The following DRG1 variants were observed in gnomAD, a reference collection of about 807,000 sequenced individuals.
The protein encoded by DRG1 is developmentally regulated GTP binding protein 1.
A neutral mutation model predicts 38.8 loss-of-function variants in DRG1; 19 were observed. That is an observed-to-expected ratio of 0.49 (90% CI 0.34 to 0.72). The LOEUF is 0.72. Ranked by LOEUF, DRG1 falls within the 30% of genes least tolerant of loss-of-function variation. DRG1 has a pLI of 0.01. For missense variants in DRG1, 299 were observed against 444.8 expected (o/e 0.67, Z 2.95); for synonymous variants, 167 against 157.5 (o/e 1.06, Z -0.45).
chr22:31,433,904 A>G lies in DRG1; in HGVS notation c.1037A>G (p.Asn346Ser), dbSNP rs951942039. The G allele has an allele frequency of 3.1e-6, 5 of 1,614,036 alleles. No individual in the cohort carries two copies. The highest frequency in any genetic ancestry group is 1.1e-5 in the South Asian group (1 of 91,090). ...ALVWGLSVKH[N>S]PQKVGKDHTL... ...GTCTGGGGTCTCTCTGTGAAACACA[A>G]TCCTCAGAAAGTGGGTAAAGACCAT... Residue 346 changes from asparagine to serine, a missense_variant, in exon 9 of 9, where the codon AAT becomes AGT. Coordinates refer to ENST00000331457, the MANE Select transcript of DRG1 (RefSeq NM_004147.4).
At chr22:31,429,004 G>A (rs2050125526) in intron 8 of DRG1, among the ~76,000 whole-genome samples, 2 of 152,076 alleles carry the variant, frequency 1.3e-5, no homozygotes, top group Admixed American at 1.3e-4. Flanking sequence ...GGGTTTCTCT[G>A]CCGTGAAGGT....
intron 3 of DRG1, among the ~76,000 whole-genome samples, chr22:31,404,509 G>A (rs1451731926): frequency 6.6e-6 from 1 of 151,888 alleles, no homozygotes; most frequent in Admixed American, 6.6e-5. Flanking sequence ...CAAAGTGCTG[G>A]GATTACAGGC....
At chr22:31,422,755 C>G (rs1457467445) in intron 5 of DRG1, among the ~76,000 whole-genome samples, 1 of 152,138 alleles carries the variant, frequency 6.6e-6, no homozygotes, top group African/African-American at 2.4e-5. Context: ...TGCCATAATA[C>G]GGTACCACAG....
At chr22:31,428,820 T>C (rs1289813932) in intron 8 of DRG1, among the ~76,000 whole-genome samples, 1 of 152,162 alleles carries the variant, frequency 6.6e-6, no homozygotes, top group Non-Finnish European at 1.5e-5. Context: ...TTCCTTAGTT[T>C]GAGTTTGTCC....
intron 3 of DRG1, among the ~76,000 whole-genome samples, chr22:31,404,365 G>A (rs1032731197): frequency 2.0e-5 from 3 of 150,552 alleles, no homozygotes; most frequent in South Asian, 4.2e-4. Context: ...TCAGCCTCCC[G>A]AGTAAGCTGG....
chr22:31,404,069 C>T (rs935672175), intron 3 of DRG1, among the ~76,000 whole-genome samples: 2 of 144,612 alleles, frequency 1.4e-5, no homozygotes, highest in African/African-American at 5.2e-5. Flanking sequence ...CTTAACTCCT[C>T]TCCTCTTTCC....
intron 8 of DRG1, 38 bp from the exon 9 acceptor site, chr22:31,433,834 A>T (rs1259224032): frequency 6.3e-7 from 1 of 1,592,086 alleles, no homozygotes; most frequent in African/African-American, 1.3e-5. Flanking sequence ...AAGCTAGGTT[A>T]TTATTTACAC....
intron 3 of DRG1, among the ~76,000 whole-genome samples, chr22:31,406,293 C>G (rs973190544): frequency 3.3e-5 from 5 of 152,172 alleles, no homozygotes; most frequent in Non-Finnish European, 5.9e-5. Flanking sequence ...AGCCACTGCG[C>G]TTGGCCACTT....
intron 8 of DRG1, among the ~76,000 whole-genome samples, chr22:31,430,469 C>T (rs905262964): frequency 2.0e-5 from 3 of 151,456 alleles, no homozygotes; most frequent in African/African-American, 2.4e-5. Context: ...GCGCCATCTC[C>T]GCTCACTGCA....
At chr22:31,412,213 G>A (rs2050021883) in intron 4 of DRG1, among the ~76,000 whole-genome samples, 1 of 151,198 alleles carries the variant, frequency 6.6e-6, no homozygotes, top group South Asian at 2.1e-4. Flanking sequence ...AGAATGGCGT[G>A]AACCCGGGAG....
At chr22:31,400,392 C>G (rs777782113) in intron 1 of DRG1, among the ~76,000 whole-genome samples, 4 of 152,008 alleles carry the variant, frequency 2.6e-5, no homozygotes, top group Non-Finnish European at 4.4e-5. Flanking sequence ...TCAGTCTAGT[C>G]TGGGGGCACT....
chr22:31,402,043 T>C (rs1224593993), intron 2 of DRG1, among the ~76,000 whole-genome samples: 1 of 151,740 alleles, frequency 6.6e-6, no homozygotes, highest in African/African-American at 2.4e-5. Context: ...AGAGCTAGAC[T>C]CTGTCTCAAG....
chr22:31,412,704 T>C (rs951608276), intron 4 of DRG1, among the ~76,000 whole-genome samples: 1 of 151,822 alleles, frequency 6.6e-6, no homozygotes, highest in Non-Finnish European at 1.5e-5. Context: ...CCTTTTTTTT[T>C]CTTTTTTTTT....
At chr22:31,426,872 GCT>G (rs2050114160) in intron 7 of DRG1, 90 bp downstream of exon 7, 1 of 1,527,492 alleles carries the variant, frequency 6.5e-7, no homozygotes, top group South Asian at 1.3e-5. Context: ...ACAAAATCTG[GCT>G]CTTTTTGAAA....
chr22:31,422,435 A>G (rs1218549325), intron 5 of DRG1, among the ~76,000 whole-genome samples: 1 of 152,220 alleles, frequency 6.6e-6, no homozygotes, highest in Non-Finnish European at 1.5e-5. Flanking sequence ...CCGTCTCAAA[A>G]GAAAAAAAAG....
intron 8 of DRG1, among the ~76,000 whole-genome samples, chr22:31,429,121 C>T (rs1002052973): frequency 2.0e-5 from 3 of 151,544 alleles, no homozygotes; most frequent in African/African-American, 4.9e-5. Context: ...ACTGGTGAGG[C>T]TTGTTTGTGA....
At position 31,408,019 on chromosome 22, in the gene DRG1, G is replaced by A. The variant is rs191099917; in HGVS notation, c.343-2993G>A. ...CGGGCACCTGTAATCCCAGCTACTC[G>A]GGAGGCTGAGGCAGGAGAATTACTT... On this transcript the variant is annotated intron_variant, in intron 3 of 8. Transcript: ENST00000331457. Among the ~76,000 whole-genome samples the A allele has an allele frequency of 9.4e-3, 1,408 of 150,244 alleles. 18 individuals are homozygous for A. Among genetic ancestry groups the A allele is most frequent in the Middle Eastern group, 0.066 (19 of 290 alleles).
intron 7 of DRG1, 61 bp from the exon 8 acceptor site, chr22:31,426,999 A>G: frequency 1.2e-6 from 2 of 1,603,520 alleles, no homozygotes; most frequent in Non-Finnish European, 1.7e-6. Context: ...GAGGGTTGCT[A>G]TACATTCAAC....
At chr22:31,410,936 A>G in intron 3 of DRG1, 76 bp from the exon 4 acceptor site, 2 of 1,476,580 alleles carry the variant, frequency 1.4e-6, no homozygotes, top group South Asian at 1.2e-5. Flanking sequence ...TGAGAAATAA[A>G]TTAATTCTGT....
Sources: gnomAD v4.1 joint callset for allele counts (sites outside exome capture counted in the v4.1 genomes callset) on GRCh38, gnomAD v4.1.1 for gene constraint, MANE v1.5 for transcripts, NCBI Gene and HGNC (gene_info 2026-07-23, HGNC 2026-07-21) for gene names.